Variants in EPHA3 observed in about 807,000 individuals in gnomAD.
EPHA3 encodes the protein ephrin type-A receptor 3.
A neutral mutation model predicts 107.1 loss-of-function variants in EPHA3; 42 were observed. The ratio of observed to expected loss-of-function variants is 0.39; its 90% CI spans 0.31 to 0.51. The LOEUF is 0.51. EPHA3 is among the 20% of genes least tolerant of loss of function. The pLI is 0.78. For synonymous variants in EPHA3, 461 were observed against 424.8 expected, an observed-to-expected ratio of 1.09 and a Z score of -1.05; for missense variants, 1,183 against 1,211.2, an observed-to-expected ratio of 0.98 and a Z score of 0.35.
chr3:89,431,570 T>A (rs1465873376), intron 13 of EPHA3, among the ~76,000 whole-genome samples: 4 of 152,138 alleles, frequency 2.6e-5, no homozygotes, highest in Admixed American at 1.3e-4. Context: ...TGAAATTCTA[T>A]ACCTCAGTTT....
chr3:89,476,712 A>G (rs1223094448), intron 16 of EPHA3, among the ~76,000 whole-genome samples: 1 of 151,466 alleles, frequency 6.6e-6, no homozygotes, highest in Admixed American at 6.6e-5. Context: ...GGTTCACGCC[A>G]TTCTCCTGCC....
intron 2 of EPHA3, among the ~76,000 whole-genome samples, chr3:89,188,936 T>G (rs1438925410): frequency 6.6e-6 from 1 of 152,150 alleles, no homozygotes; most frequent in Non-Finnish European, 1.5e-5. Context: ...ATCCCCAGTT[T>G]TGAAAAGTGT....
intron 1 of EPHA3, among the ~76,000 whole-genome samples, chr3:89,115,995 G>C (rs1707245021): frequency 6.6e-6 from 1 of 152,074 alleles, no homozygotes; most frequent in African/African-American, 2.4e-5. Flanking sequence ...AAAAATTGAA[G>C]AAAACCATAT....
chr3:89,467,463 A>C (rs1710308408), intron 15 of EPHA3, among the ~76,000 whole-genome samples: 1 of 152,280 alleles, frequency 6.6e-6, no homozygotes, highest in East Asian at 1.9e-4. Context: ...ATTATTTTTG[A>C]TATTTGAGGA....
intron 3 of EPHA3, among the ~76,000 whole-genome samples, chr3:89,311,511 C>T (rs948383685): frequency 1.5e-4 from 23 of 152,058 alleles, no homozygotes; most frequent in African/African-American, 5.5e-4. Flanking sequence ...ATATCATGTA[C>T]TTAGCCTGGA....
chr3:89,177,439 T>C (rs935438472), intron 2 of EPHA3, among the ~76,000 whole-genome samples: 11 of 152,156 alleles, frequency 7.2e-5, no homozygotes, highest in Admixed American at 5.9e-4. Context: ...ACATCTGCCT[T>C]CTCTCTTCTG....
intron 2 of EPHA3, among the ~76,000 whole-genome samples, chr3:89,180,791 C>T (rs1705426737): frequency 6.6e-6 from 1 of 151,920 alleles, no homozygotes; most frequent in Non-Finnish European, 1.5e-5. Context: ...ACCTGTACTT[C>T]ACATAAAATA....
intron 3 of EPHA3, among the ~76,000 whole-genome samples, chr3:89,331,681 A>T (rs1424279979): frequency 6.6e-6 from 1 of 152,062 alleles, no homozygotes; most frequent in Non-Finnish European, 1.5e-5. Context: ...GGCATTGGAC[A>T]CTCCAAAATT....
At chr3:89,332,610 A>G (rs1416286246) in intron 3 of EPHA3, among the ~76,000 whole-genome samples, 1 of 152,208 alleles carries the variant, frequency 6.6e-6, no homozygotes, top group African/African-American at 2.4e-5. Context: ...ATGGCAAAGA[A>G]TAGAGTTCCT....
intron 3 of EPHA3, among the ~76,000 whole-genome samples, chr3:89,223,947 C>T (rs1200852421): frequency 1.3e-5 from 2 of 152,114 alleles, no homozygotes; most frequent in African/African-American, 2.4e-5. Flanking sequence ...GTGCTTTCCA[C>T]TTCTTTTTAA....
intron 3 of EPHA3, among the ~76,000 whole-genome samples, chr3:89,262,578 A>G (rs1251532652): frequency 6.6e-6 from 1 of 152,208 alleles, no homozygotes; most frequent in African/African-American, 2.4e-5. Flanking sequence ...CCTCATCTTA[A>G]TGTAACTAAT....
rs1408794760 is a variant in EPHA3, at chr3:89,389,642, T to C, written c.1307-6195T>C. On this transcript the variant is annotated intron_variant, in intron 5 of 16. Coordinates refer to ENST00000336596, the MANE Select transcript of EPHA3 (RefSeq NM_005233.6). ...TTCCTGATTTTAAGGAAGGGTCATATTTTAGAGGCAGAATAATGGCAAATA... is the reference window on the plus strand; with the variant it reads ...TTCCTGATTTTAAGGAAGGGTCATACTTTAGAGGCAGAATAATGGCAAATA... Among the ~76,000 whole-genome samples, 5 of 152,226 alleles carry C rather than the reference T, an allele frequency of 3.3e-5. No homozygotes were observed. The South Asian group carries it at 1.0e-3, about 32-fold the overall frequency.
At position 89,350,910 on chromosome 3, in the gene EPHA3, C is replaced by T. The variant is rs560111125; in HGVS notation, c.1306+8820C>T. 1.2e-4 allele frequency among the ~76,000 whole-genome samples: 18 copies of T among 151,492 alleles called. No individual in the cohort carries two copies. In the East Asian group the frequency reaches 3.5e-3, roughly 29 times the overall value. ...GTCAGTGTGCCCCTGCTGGGGGATGCTTCCCAGTTAGGCTGCTCGGGGGTC... is the reference window on the plus strand; with the variant it reads ...GTCAGTGTGCCCCTGCTGGGGGATGTTTCCCAGTTAGGCTGCTCGGGGGTC... On this transcript the variant is annotated intron_variant, in intron 5 of 16. Transcript: ENST00000336596.
At chr3:89,152,744 A>G (rs564430026) in intron 2 of EPHA3, among the ~76,000 whole-genome samples, 1 of 152,260 alleles carries the variant, frequency 6.6e-6, no homozygotes, top group Admixed American at 6.5e-5. Flanking sequence ...TTTAACAAAA[A>G]TGACTGTGAA....
chr3:89,179,547 CT>C (rs1377456018), intron 2 of EPHA3, among the ~76,000 whole-genome samples: 3 of 151,666 alleles, frequency 2.0e-5, no homozygotes, highest in Admixed American at 6.6e-5. Context: ...ATCTTTTTCG[CT>C]TAGATTGAGG....
chr3:89,405,641 T>G (rs78918046), intron 7 of EPHA3, among the ~76,000 whole-genome samples: 1 of 152,118 alleles, frequency 6.6e-6, no homozygotes, highest in African/African-American at 2.4e-5. Context: ...TTAGAGAAAA[T>G]CTTCCAAACT....
chr3:89,325,866 T>C (rs959576019), intron 3 of EPHA3, among the ~76,000 whole-genome samples: 1 of 151,556 alleles, frequency 6.6e-6, no homozygotes, highest in Non-Finnish European at 1.5e-5. Context: ...ATGTAACTCA[T>C]ATTTTCCTTT....
chr3:89,470,918 G>A (rs1710386815), intron 15 of EPHA3, among the ~76,000 whole-genome samples: 2 of 152,162 alleles, frequency 1.3e-5, no homozygotes, highest in Non-Finnish European at 2.9e-5. Context: ...GGTCCTTCAT[G>A]TCTGTGTAAT....
intron 1 of EPHA3, among the ~76,000 whole-genome samples, chr3:89,125,077 C>T (rs1311800378): frequency 6.6e-6 from 1 of 151,772 alleles, no homozygotes; most frequent in Non-Finnish European, 1.5e-5. Flanking sequence ...TATGTAATAA[C>T]CATATCTTCT....
Sources: gnomAD v4.1 joint callset for allele counts (sites outside exome capture counted in the v4.1 genomes callset) on GRCh38, gnomAD v4.1.1 for gene constraint, MANE v1.5 for transcripts, NCBI Gene and HGNC (gene_info 2026-07-23, HGNC 2026-07-21) for gene names.